The following ENTREP1 variants were observed in gnomAD, a reference collection of about 807,000 sequenced individuals.
ENTREP1 encodes Friedreich ataxia region gene X123.
chr9:69,352,339 G>A, the ENTREP1 span, among the ~76,000 whole-genome samples: 3 of 151,920 alleles, frequency 2.0e-5, no homozygotes, highest in Non-Finnish European at 4.4e-5. Context: ...GGCTGGTCTC[G>A]AACTCCTAAC....
chr9:69,340,695 A>ATGTGTGTGTGTGTGTGTGTGTGTGTGTG, the ENTREP1 span, among the ~76,000 whole-genome samples: 1 of 54,366 alleles, frequency 1.8e-5, no homozygotes, highest in African/African-American at 7.0e-5. Flanking sequence ...GTGTGTGTGT[A>ATGTGTGTGTGTGTGTGTGTGTGTGTGTG]TGTGTGTGTG....
chr9:69,325,622 C>A, the ENTREP1 span: 1 of 1,230,834 alleles, frequency 8.1e-7, no homozygotes, highest in Non-Finnish European at 1.0e-6. Context: ...GCTGCTTCAG[C>A]TGATCTTGGG....
chr9:69,347,432 T>C, the ENTREP1 span, among the ~76,000 whole-genome samples: 1 of 152,038 alleles, frequency 6.6e-6, no homozygotes, highest in Non-Finnish European at 1.5e-5. Flanking sequence ...CAAACCCAAC[T>C]GTGTTGTAGG....
the ENTREP1 span, among the ~76,000 whole-genome samples, chr9:69,389,821 T>C: frequency 6.6e-6 from 1 of 152,260 alleles, no homozygotes; most frequent in Non-Finnish European, 1.5e-5. Flanking sequence ...CACTAGATGC[T>C]ATCATCACAA....
chr9:69,331,758 T>C, the ENTREP1 span, among the ~76,000 whole-genome samples: 2 of 152,332 alleles, frequency 1.3e-5, no homozygotes, highest in Non-Finnish European at 2.9e-5. Context: ...ACTCATTGAC[T>C]CTTGCCATAA....
chr9:69,387,961 T>C, the ENTREP1 span: 1 of 1,533,912 alleles, frequency 6.5e-7, no homozygotes, highest in Non-Finnish European at 8.8e-7. Flanking sequence ...TCGGGCCATA[T>C]CCTATTGGAA....
the ENTREP1 span, chr9:69,382,932 A>G: frequency 2.7e-6 from 2 of 743,380 alleles, no homozygotes; most frequent in Non-Finnish European, 3.3e-6. Flanking sequence ...TGGCTTTTAT[A>G]TGTATTTTAT....
At chr9:69,340,952 T>C in the ENTREP1 span, among the ~76,000 whole-genome samples, 13 of 152,220 alleles carry the variant, frequency 8.5e-5, no homozygotes, top group Non-Finnish European at 1.5e-4. Context: ...TGTTTACAAA[T>C]GATGGACAAT....
At chr9:69,381,819 T>A in the ENTREP1 span, 1 of 152,248 alleles carries the variant, frequency 6.6e-6, no homozygotes, top group Non-Finnish European at 1.5e-5. Flanking sequence ...GTGAGGCTTT[T>A]ATGGGCATTA....
At chr9:69,349,691 G>A in the ENTREP1 span, among the ~76,000 whole-genome samples, 1 of 152,144 alleles carries the variant, frequency 6.6e-6, no homozygotes, top group African/African-American at 2.4e-5. Context: ...ATCATAAATT[G>A]AAAATATTGT....
chr9:69,387,833 C>T, the ENTREP1 span: 1 of 1,194,816 alleles, frequency 8.4e-7, no homozygotes. Context: ...CCATCCATCC[C>T]CATCTATTTG....
the ENTREP1 span, chr9:69,377,882 G>A: frequency 3.9e-5 from 35 of 904,538 alleles, no homozygotes; most frequent in East Asian, 1.4e-4. Context: ...CTTGAGGAAC[G>A]TTAGCCCAAT....
the ENTREP1 span, among the ~76,000 whole-genome samples, chr9:69,353,829 G>A: frequency 6.6e-6 from 1 of 152,090 alleles, no homozygotes; most frequent in Non-Finnish European, 1.5e-5. Flanking sequence ...TTGACTTAGC[G>A]AAGAGATGAC....
the ENTREP1 span, among the ~76,000 whole-genome samples, chr9:69,366,923 T>C: frequency 6.6e-6 from 1 of 152,002 alleles, no homozygotes; most frequent in Non-Finnish European, 1.5e-5. Flanking sequence ...TTCAACTTAA[T>C]TTATTTATTT....
chr9:69,388,497 A>G, the ENTREP1 span: 4 of 1,434,592 alleles, frequency 2.8e-6, no homozygotes, highest in Non-Finnish European at 3.8e-6. Flanking sequence ...ACTCATTTTC[A>G]TAGCAGCTAA....
chr9:69,364,185 C>G, the ENTREP1 span, among the ~76,000 whole-genome samples: 3 of 152,046 alleles, frequency 2.0e-5, no homozygotes, highest in African/African-American at 7.2e-5. Context: ...ATATAAAGGA[C>G]TTCCATATAA....
the ENTREP1 span, among the ~76,000 whole-genome samples, chr9:69,350,933 GATAAA>G: frequency 1.0e-3 from 159 of 152,188 alleles, no homozygotes; most frequent in African/African-American, 3.8e-3. Flanking sequence ...TTTTCAAAAA[GATAAA>G]ATAATGAGTC....
the ENTREP1 span, chr9:69,388,038 T>A: frequency 1.3e-6 from 2 of 1,585,444 alleles, no homozygotes; most frequent in Non-Finnish European, 1.7e-6. Context: ...AGGATGTGCA[T>A]GGCTATCAGC....
the ENTREP1 span, among the ~76,000 whole-genome samples, chr9:69,331,192 AAC>A: frequency 6.6e-6 from 1 of 152,234 alleles, no homozygotes; most frequent in Non-Finnish European, 1.5e-5. Flanking sequence ...TTTACAAAGT[AAC>A]ACAGGACATT....
Sources: gnomAD v4.1 joint callset for allele counts (sites outside exome capture counted in the v4.1 genomes callset) on GRCh38, gnomAD v4.1.1 for gene constraint, MANE v1.5 for transcripts, NCBI Gene and HGNC (gene_info 2026-07-23, HGNC 2026-07-21) for gene names.